SLC6A18: variants seen among roughly 807,000 people sequenced by gnomAD.
The protein encoded by SLC6A18 is solute carrier family 6 member 18.
Under a neutral mutation model 62.9 loss-of-function variants are expected in SLC6A18, and 58 were observed. That is an observed-to-expected ratio of 0.92 (90% confidence interval 0.75 to 1.15). The LOEUF (loss-of-function observed/expected upper bound fraction) is 1.15, where lower values mean the gene tolerates loss of function less well. Ranked by LOEUF, SLC6A18 falls within the 50% of genes most tolerant of loss-of-function variation. SLC6A18 has a pLI of 0.00. For synonymous variants in SLC6A18, 382 were observed against 365.8 expected, an observed-to-expected ratio of 1.04 and a Z score of -0.51; for missense variants, 793 against 836.6, an observed-to-expected ratio of 0.95 and a Z score of 0.64.
At chr5:1,237,193 A>G (rs1038410941) in intron 4 of SLC6A18, among the ~76,000 whole-genome samples, 4 of 139,534 alleles carry the variant, frequency 2.9e-5, no homozygotes, top group African/African-American at 8.1e-5. Flanking sequence ...GTGAGCCGAG[A>G]TTGGGCCATT....
intron 1 of SLC6A18, among the ~76,000 whole-genome samples, chr5:1,226,619 A>G (rs1163865758): frequency 6.6e-6 from 1 of 152,218 alleles, no homozygotes; most frequent in Non-Finnish European, 1.5e-5. Flanking sequence ...TGGAAAAAAC[A>G]AAAAGAAACA....
At chr5:1,239,403 C>T in intron 5 of SLC6A18, 47 bp from the exon 6 acceptor site, 1 of 1,427,196 alleles carries the variant, frequency 7.0e-7, no homozygotes, top group Non-Finnish European at 9.9e-7. Flanking sequence ...GCCACCAGCT[C>T]ATGTGGTTTG....
Position 1,242,771 on chromosome 5 carries a change from C to T in SLC6A18, c.1039C>T (p.Pro347Ser). ...GCAGAGCATCTCCAGGGACGACTAC[C>T]CAGCCGTCCTCATGCACCTGAACGC... is the stretch of plus-strand genomic sequence containing the variant. ...PEQSISRDDY[P>S]AVLMHLNATW... is the part of the protein sequence containing the mutation. Residue 347 changes from proline (P) to serine (S), a missense_variant, in exon 8 of 12, where the codon CCA becomes TCA. Coordinates refer to ENST00000324642, the MANE Select transcript of SLC6A18 (RefSeq NM_182632.3). 1 of 1,614,012 alleles carries T rather than the reference C, an allele frequency of 6.2e-7. No individual in the cohort carries two copies. Among genetic ancestry groups the T allele is most frequent in the Middle Eastern group, 1.7e-4 (1 of 6,060 alleles).
intron 9 of SLC6A18, 67 bp from the exon 10 acceptor site, chr5:1,244,147 T>C: frequency 7.1e-7 from 1 of 1,399,972 alleles, no homozygotes; most frequent in Non-Finnish European, 9.8e-7. Context: ...GCTGGCTTCC[T>C]CCTGACCCTC....
chr5:1,237,753 C>T (rs1243356539), intron 4 of SLC6A18, among the ~76,000 whole-genome samples, 197 bp from the exon 5 acceptor site: 1 of 152,124 alleles, frequency 6.6e-6, no homozygotes, highest in Admixed American at 6.6e-5. Flanking sequence ...CTCTGGTGAG[C>T]CCCAAACCCT....
At chr5:1,245,263 G>C (rs1474101089) in intron 11 of SLC6A18, among the ~76,000 whole-genome samples, 1 of 152,136 alleles carries the variant, frequency 6.6e-6, no homozygotes, top group Non-Finnish European at 1.5e-5. Context: ...AGAGATCAGA[G>C]TGCCAGCCAC....
At chr5:1,245,799 T>C in intron 11 of SLC6A18, 49 bp from the exon 12 acceptor site, 3 of 1,546,228 alleles carry the variant, frequency 1.9e-6, no homozygotes, top group Non-Finnish European at 1.7e-6. Context: ...GGGGTCAGCC[T>C]CACGGCCCAG....
intron 4 of SLC6A18, 135 bp from the exon 5 acceptor site, chr5:1,237,815 C>T: frequency 1.5e-6 from 1 of 668,524 alleles, no homozygotes; most frequent in Non-Finnish European, 2.7e-6. Context: ...GCACCCCCAT[C>T]CGTCCTGGTC....
intron 1 of SLC6A18, 48 bp downstream of exon 1, chr5:1,225,685 C>T (rs754974274): frequency 3.4e-5 from 51 of 1,502,662 alleles, no homozygotes; most frequent in African/African-American, 5.7e-5. Context: ...CAGGGGAGGC[C>T]GTCTCCACCC....
intron 5 of SLC6A18, 105 bp from the exon 6 acceptor site, chr5:1,239,345 T>C: frequency 2.5e-6 from 2 of 791,248 alleles, no homozygotes; most frequent in East Asian, 4.9e-5. Context: ...TCACACTTGC[T>C]CACGAGTGTC....
chr5:1,233,013 C>T (rs1295262771), intron 3 of SLC6A18, 125 bp downstream of exon 3: 56 of 1,402,736 alleles, frequency 4.0e-5, no homozygotes, highest in South Asian at 2.4e-4. Flanking sequence ...GCCGGGGAAC[C>T]GGTTGCTCTG....
intron 5 of SLC6A18, 88 bp from the exon 6 acceptor site, chr5:1,239,362 G>C: frequency 1.0e-6 from 1 of 985,844 alleles, no homozygotes; most frequent in Non-Finnish European, 1.6e-6. Flanking sequence ...TGTCCCCAAA[G>C]CCACCTTGGG....
chr5:1,241,872 C>T lies in SLC6A18; in HGVS notation c.975-835C>T, dbSNP rs1161625341. On this transcript the variant is annotated intron_variant, in intron 7 of 11. Coordinates refer to ENST00000324642, the MANE Select transcript of SLC6A18 (RefSeq NM_182632.3). This position sits in a 1 kb window ranked among gnomAD's most constrained non-coding sequence, Gnocchi z 7.8. Reference sequence around the variant, plus strand: ...TAAGGACCAGCCGTGCGCACAACGCCCTGCGCCGTGCAGCCCAAGCTGGCC... The same window carrying T: ...TAAGGACCAGCCGTGCGCACAACGCTCTGCGCCGTGCAGCCCAAGCTGGCC... Among the ~76,000 whole-genome samples, 1 of 152,242 alleles carries T rather than the reference C, an allele frequency of 6.6e-6. No individual in the cohort carries two copies. The highest frequency in any genetic ancestry group is 2.4e-5 in the African/African-American group (1 of 41,462).
chr5:1,240,647 A>G lies in SLC6A18; in HGVS notation c.962A>G (p.His321Arg), dbSNP rs990145317. 1 of 1,613,968 alleles carries G rather than the reference A, an allele frequency of 6.2e-7. No individual in the cohort carries two copies. Among genetic ancestry groups the G allele is most frequent in the Non-Finnish European group, 8.5e-7 (1 of 1,179,992 alleles). Residue 321 changes from histidine (H) to arginine (R), a missense_variant, in exon 7 of 12, where the codon CAC becomes CGC. Transcript: ENST00000324642. ...LGFKATNDYEHCLDRNILSLI... is the reference protein window; with the variant it reads ...LGFKATNDYERCLDRNILSLI... ...TTCAAAGCAACTAATGACTACGAGCACTGCCTGGACAGGTGAGCACAGGTG... is the reference window on the plus strand; with the variant it reads ...TTCAAAGCAACTAATGACTACGAGCGCTGCCTGGACAGGTGAGCACAGGTG...
chr5:1,246,140 G>C lies in SLC6A18; in HGVS notation c.*62G>C. 7.1e-7 allele frequency: 1 copy of C among 1,403,446 alleles called. No individual in the cohort carries two copies. The highest frequency in any genetic ancestry group is 9.4e-7 in the Non-Finnish European group (1 of 1,058,204). The allele number at this position is 1,403,446 out of a possible 1,614,324, so 86.9% of individuals were successfully genotyped here. ...GGGGGGGCTTGGCCTGATGGTGGGC[G>C]GGGCCCCGCCCACAGGGCCGACCCC... On this transcript the variant is annotated 3_prime_UTR_variant, in exon 12 of 12. Transcript: ENST00000324642.
intron 3 of SLC6A18, among the ~76,000 whole-genome samples, chr5:1,233,997 T>G (rs1746818130): frequency 6.6e-6 from 1 of 152,134 alleles, no homozygotes; most frequent in Non-Finnish European, 1.5e-5. Flanking sequence ...TGCCTCGGCC[T>G]CCCAAAGTGC....
intron 1 of SLC6A18, among the ~76,000 whole-genome samples, chr5:1,230,998 G>T (rs1050831989): frequency 2.0e-5 from 3 of 152,200 alleles, no homozygotes; most frequent in African/African-American, 7.2e-5. Context: ...GGCCTCTTCA[G>T]CAGCGTAGTG....
At chr5:1,233,585 C>CTTT (rs111463112) in intron 3 of SLC6A18, among the ~76,000 whole-genome samples, 3 of 138,640 alleles carry the variant, frequency 2.2e-5, no homozygotes, top group African/African-American at 5.4e-5. Context: ...ATATTTTCTT[C>CTTT]TTTTTTTTTT....
At chr5:1,230,308 G>T (rs1011229494) in intron 1 of SLC6A18, among the ~76,000 whole-genome samples, 2 of 152,164 alleles carry the variant, frequency 1.3e-5, no homozygotes, top group Non-Finnish European at 2.9e-5. Flanking sequence ...AGGCAGGTAT[G>T]CTGACTCCCT....
Sources: gnomAD v4.1 joint callset for allele counts (sites outside exome capture counted in the v4.1 genomes callset) on GRCh38, gnomAD v4.1.1 for gene constraint, Gnocchi (gnomAD v3.1) non-coding constraint, MANE v1.5 for transcripts, NCBI Gene and HGNC (gene_info 2026-07-23, HGNC 2026-07-21) for gene names.